The following CBFB variants were observed in gnomAD, a reference collection of about 807,000 sequenced individuals.
CBFB encodes the protein CBF-beta.
CBFB carries 9 observed loss-of-function variants against 30.4 expected under a neutral mutation model. The ratio of observed to expected loss-of-function variants is 0.30; its 90% CI spans 0.18 to 0.52. The LOEUF (loss-of-function observed/expected upper bound fraction) is 0.52. Among genes scored for constraint, CBFB ranks in the 20% least tolerant of loss-of-function variants. The pLI, the probability that CBFB is intolerant of heterozygous loss-of-function variation, is 0.97. For missense variants in CBFB, 170 were observed against 244.0 expected (o/e 0.70, Z 2.02); for synonymous variants, 94 against 84.0 (o/e 1.12, Z -0.65).
intron 3 of CBFB, among the ~76,000 whole-genome samples, chr16:67,055,001 C>CT: frequency 6.6e-6 from 1 of 150,716 alleles, no homozygotes; most frequent in South Asian, 2.1e-4. Flanking sequence ...ACAAATGTTC[C>CT]TTTTTTGTTA....
intron 3 of CBFB, 119 bp from the exon 4 acceptor site, chr16:67,066,563 C>G: frequency 1.9e-6 from 1 of 535,754 alleles, no homozygotes; most frequent in Non-Finnish European, 3.4e-6. Flanking sequence ...CCATCTCAAT[C>G]AATCAGTCAA....
intron 5 of CBFB, among the ~76,000 whole-genome samples, chr16:67,096,617 T>C (rs1429120128): frequency 6.6e-6 from 1 of 152,062 alleles, no homozygotes; most frequent in Non-Finnish European, 1.5e-5. Flanking sequence ...CAACAGGAAG[T>C]ATTTTTTTCT....
chr16:67,050,566 A>G (rs959393951), intron 3 of CBFB, among the ~76,000 whole-genome samples: 9 of 152,150 alleles, frequency 5.9e-5, no homozygotes, highest in African/African-American at 2.2e-4. Flanking sequence ...AGACCAAGGC[A>G]GGAGGATTGC....
intron 3 of CBFB, among the ~76,000 whole-genome samples, chr16:67,055,617 A>G (rs138488456): frequency 0.021 from 3,207 of 151,870 alleles, 101 homozygotes; most frequent in African/African-American, 0.072. Flanking sequence ...CGGCCTCCCA[A>G]AGTGCTGGGA....
intron 3 of CBFB, among the ~76,000 whole-genome samples, chr16:67,062,261 C>T (rs928612781): frequency 1.3e-5 from 2 of 150,106 alleles, no homozygotes; most frequent in African/African-American, 2.4e-5. Flanking sequence ...CTCCATCTCC[C>T]GGGTTCAAAT....
Position 67,079,495 on chromosome 16 carries a change from T to C in CBFB, c.400-2718T>C, listed in dbSNP as rs1961495480. ...GCCTGGTATAGCAAGCACTTAATTA[T>C]GTTATCAGAGGCCCTGGGTCTTTTT... On this transcript the variant is annotated intron_variant, in intron 4 of 5. Coordinates refer to ENST00000412916, the MANE Select transcript of CBFB (RefSeq NM_022845.3). Among the ~76,000 whole-genome samples the C allele has an allele frequency of 2.7e-5, 4 of 149,458 alleles. No homozygotes were observed. In the South Asian group the frequency reaches 6.3e-4, roughly 24 times the overall value.
At position 67,095,690 on chromosome 16, in the gene CBFB, G is replaced by GTT. The variant is rs869266505; in HGVS notation, c.496-3003_496-3002dup. The stretch of plus-strand genomic sequence containing the variant: ...TGGGCAACACAGCAAGACCTCATCT[G>GTT]TTTTTTTTTTTTTTTTTTGGAGACA... On this transcript the variant is annotated intron_variant, in intron 5 of 5. Coordinates refer to ENST00000412916, the MANE Select transcript of CBFB (RefSeq NM_022845.3). 6.6e-3 allele frequency among the ~76,000 whole-genome samples: 816 copies of GTT among 124,102 alleles called. 14 individuals are homozygous for GTT. Among genetic ancestry groups the GTT allele is most frequent in the Non-Finnish European group, 0.012 (689 of 58,788 alleles). 81.4% of individuals were successfully genotyped at this position (124,102 alleles called of 152,430 possible). A position where few individuals can be genotyped will look rare whatever the true frequency, so the allele number is the denominator to read the frequency against.
chr16:67,065,314 A>C (rs1489853106), intron 3 of CBFB, among the ~76,000 whole-genome samples: 1 of 152,262 alleles, frequency 6.6e-6, no homozygotes, highest in Non-Finnish European at 1.5e-5. Context: ...ACTGCAGTGC[A>C]TAAAGTATAG....
At chr16:67,045,787 A>G (rs926687115) in intron 3 of CBFB, among the ~76,000 whole-genome samples, 3 of 147,758 alleles carry the variant, frequency 2.0e-5, no homozygotes, top group Non-Finnish European at 4.5e-5. Flanking sequence ...CCTTCCTTCT[A>G]CTTTCTACAT....
At chr16:67,057,017 C>G (rs1960748857) in intron 3 of CBFB, among the ~76,000 whole-genome samples, 1 of 150,904 alleles carries the variant, frequency 6.6e-6, no homozygotes, top group African/African-American at 2.4e-5. Flanking sequence ...GAGTCTCACT[C>G]TTTCGCCCAG....
intron 4 of CBFB, among the ~76,000 whole-genome samples, chr16:67,073,306 C>G (rs1567618277): frequency 6.6e-6 from 1 of 152,160 alleles, no homozygotes; most frequent in Non-Finnish European, 1.5e-5. Flanking sequence ...TGGTATAAGA[C>G]AATACCTGTC....
intron 4 of CBFB, among the ~76,000 whole-genome samples, chr16:67,078,002 G>A (rs979760989): frequency 6.6e-6 from 1 of 152,142 alleles, no homozygotes; most frequent in African/African-American, 2.4e-5. Flanking sequence ...TGGTGGGGAC[G>A]GGAGAATTGA....
At chr16:67,034,393 A>G (rs1258538265) in intron 2 of CBFB, among the ~76,000 whole-genome samples, 2 of 152,044 alleles carry the variant, frequency 1.3e-5, no homozygotes, top group Non-Finnish European at 2.9e-5. Flanking sequence ...TAGCATTTTA[A>G]TGTTTTCATT....
chr16:67,059,057 C>G (rs761804728), intron 3 of CBFB, among the ~76,000 whole-genome samples: 2 of 152,198 alleles, frequency 1.3e-5, no homozygotes, highest in African/African-American at 2.4e-5. Flanking sequence ...TCTGCCATCC[C>G]TTTGTACCTT....
intron 3 of CBFB, among the ~76,000 whole-genome samples, chr16:67,054,862 C>T (rs890656510): frequency 2.0e-5 from 3 of 152,278 alleles, no homozygotes; most frequent in African/African-American, 7.2e-5. Context: ...ACGCCATTCT[C>T]CTGCCTCAGC....
rs2145771331 is a variant in CBFB, at chr16:67,082,199, A to G, written c.400-14A>G. On this transcript the variant is annotated splice_polypyrimidine_tract_variant and intron_variant, in intron 4 of 5. Transcript: ENST00000412916. ...AAATCAAAATTAAAATAGGTATTTC[A>G]TGTATTCTGACAGCAGGAGGATGCA... is the stretch of plus-strand genomic sequence containing the variant. 5 of 1,536,402 alleles carry G rather than the reference A, an allele frequency of 3.3e-6. No homozygotes were observed. Among genetic ancestry groups the G allele is most frequent in the East Asian group, 2.3e-5 (1 of 43,830 alleles).
intron 3 of CBFB, among the ~76,000 whole-genome samples, chr16:67,050,195 ATATATGT>A (rs1966714452): frequency 6.8e-6 from 1 of 147,744 alleles, no homozygotes; most frequent in South Asian, 2.1e-4. Flanking sequence ...GATATATATA[ATATATGT>A]TATATATATA....
At chr16:67,085,853 AT>A (rs547050815) in intron 5 of CBFB, among the ~76,000 whole-genome samples, 7,760 of 150,768 alleles carry the variant, frequency 0.051, 243 homozygotes, top group Non-Finnish European at 0.079. Flanking sequence ...AATTTTTTGT[AT>A]TTTTTAGTAG....
chr16:67,082,163 A>ATT, intron 4 of CBFB, 50 bp from the exon 5 acceptor site: 2 of 1,314,948 alleles, frequency 1.5e-6, no homozygotes, highest in Non-Finnish European at 2.0e-6. Flanking sequence ...CAAATATTGT[A>ATT]TTTTTTTTAT....
Sources: allele counts gnomAD v4.1 joint callset (sites outside exome capture counted in the v4.1 genomes callset), GRCh38; gene constraint gnomAD v4.1.1; transcripts MANE v1.5; gene names NCBI Gene and HGNC (gene_info 2026-07-23, HGNC 2026-07-21).